The following GABRB3 variants were observed in gnomAD, a reference collection of about 807,000 sequenced individuals.
The protein encoded by GABRB3 is gamma-aminobutyric acid type A receptor subunit beta3, also known as gamma-aminobutyric acid receptor subunit beta-3.
GABRB3 carries 14 observed loss-of-function variants against 52.1 expected under a neutral mutation model. The observed-to-expected ratio is 0.27, with a 90% CI of 0.18 to 0.42. GABRB3 has a LOEUF of 0.42. Ranked by LOEUF, GABRB3 falls within the 10% of genes least tolerant of loss-of-function variation. The pLI, the probability that GABRB3 is intolerant of heterozygous loss-of-function variation, is 1.00. For missense variants in GABRB3, 307 were observed against 609.1 expected (o/e 0.50, Z 5.22); for synonymous variants, 260 against 232.3 (o/e 1.12, Z -1.08).
At chr15:26,730,217 G>A (rs115980124) in intron 3 of GABRB3, among the ~76,000 whole-genome samples, 24 of 152,262 alleles carry the variant, frequency 1.6e-4, no homozygotes, top group African/African-American at 4.1e-4. Flanking sequence ...CTGAAGCCCT[G>A]TTGCCCCTGG....
In GABRB3 at chr15:26,662,977, T is replaced by C. The variant is rs1172271397; in HGVS notation, c.241-41443A>G. Among the ~76,000 whole-genome samples, 3 of 152,214 alleles carry C rather than the reference T, an allele frequency of 2.0e-5. No individual in the cohort carries two copies. The East Asian group carries it at 5.8e-4, about 29-fold the overall frequency. Reference sequence around the variant, plus strand: ...CCCCAAGGCTGTCATCTGGCATAATTCTAGCACAATATCAAAAACTAGGAA... The same window carrying C: ...CCCCAAGGCTGTCATCTGGCATAATCCTAGCACAATATCAAAAACTAGGAA... On this transcript the variant is annotated intron_variant, in intron 3 of 8. Coordinates refer to ENST00000311550, the MANE Select transcript of GABRB3 (RefSeq NM_000814.6).
At chr15:26,672,807 T>C (rs1360537537) in intron 3 of GABRB3, among the ~76,000 whole-genome samples, 1 of 151,952 alleles carries the variant, frequency 6.6e-6, no homozygotes, top group Non-Finnish European at 1.5e-5. Flanking sequence ...CAAGGACGGA[T>C]GAAAAATATG....
chr15:26,674,332 C>T (rs1221183644), intron 3 of GABRB3, among the ~76,000 whole-genome samples: 6 of 139,360 alleles, frequency 4.3e-5, no homozygotes, highest in East Asian at 2.1e-4. Context: ...ACCCAGGAGG[C>T]GAAGGCTGCA....
intron 7 of GABRB3, 120 bp from the exon 8 acceptor site, chr15:26,561,296 G>GT: frequency 7.3e-7 from 1 of 1,374,360 alleles, no homozygotes; most frequent in Non-Finnish European, 1.0e-6. Flanking sequence ...GTTGAATACT[G>GT]TGGGGTGACT....
At chr15:26,687,119 G>A (rs1217034621) in intron 3 of GABRB3, among the ~76,000 whole-genome samples, 6 of 152,232 alleles carry the variant, frequency 3.9e-5, no homozygotes, top group Non-Finnish European at 8.8e-5. Context: ...TGGGTGTTCT[G>A]ACTCGTGTCT....
chr15:26,664,910 G>T (rs1421898398), intron 3 of GABRB3, among the ~76,000 whole-genome samples: 1 of 151,810 alleles, frequency 6.6e-6, no homozygotes, highest in Non-Finnish European at 1.5e-5. Flanking sequence ...GTGTTGGTCA[G>T]GCTGGTCTCA....
At chr15:26,743,786 T>A (rs955691403) in intron 3 of GABRB3, among the ~76,000 whole-genome samples, 1 of 152,212 alleles carries the variant, frequency 6.6e-6, no homozygotes, top group Non-Finnish European at 1.5e-5. Context: ...GTTGCATTCC[T>A]ACCAAGCAAC....
intron 3 of GABRB3, among the ~76,000 whole-genome samples, chr15:26,739,291 A>C (rs1166161601): frequency 2.6e-5 from 4 of 152,084 alleles, no homozygotes; most frequent in Non-Finnish European, 5.9e-5. Flanking sequence ...CGCTTGGCCA[A>C]GTAGACACCA....
chr15:26,752,233 A>T (rs528184358), intron 3 of GABRB3, among the ~76,000 whole-genome samples: 23 of 68,456 alleles, frequency 3.4e-4, no homozygotes, highest in South Asian at 1.0e-3. Context: ...TCTTTATTTT[A>T]TTTATTTATT....
At chr15:26,705,291 A>ATC (rs528265721) in intron 3 of GABRB3, among the ~76,000 whole-genome samples, 175 of 152,296 alleles carry the variant, frequency 1.1e-3, no homozygotes, top group African/African-American at 3.9e-3. Flanking sequence ...AAGACATCTG[A>ATC]TCTCATTCAC....
chr15:26,606,776 A>ATATCTATC (rs374800068), intron 4 of GABRB3, among the ~76,000 whole-genome samples: 37,949 of 117,856 alleles, frequency 0.32, 7,224 homozygotes, highest in Middle Eastern at 0.46. Context: ...ATCTATAGAT[A>ATATCTATC]GATAGATATA....
chr15:26,551,086 T>G (rs1227008266), intron 8 of GABRB3, among the ~76,000 whole-genome samples: 1 of 152,242 alleles, frequency 6.6e-6, no homozygotes, highest in Non-Finnish European at 1.5e-5. Flanking sequence ...TCATCATCAC[T>G]GTCATTATCA....
intron 3 of GABRB3, among the ~76,000 whole-genome samples, chr15:26,667,214 C>T (rs975632408): frequency 1.3e-5 from 2 of 152,198 alleles, no homozygotes; most frequent in Non-Finnish European, 2.9e-5. Flanking sequence ...GGCGCAGCCA[C>T]GATTCCAGCC....
chr15:26,660,428 G>A (rs1029292390), intron 3 of GABRB3, among the ~76,000 whole-genome samples: 1 of 152,042 alleles, frequency 6.6e-6, no homozygotes, highest in Admixed American at 6.6e-5. Context: ...CAATTTCCTC[G>A]TTTCTCTCCT....
chr15:26,669,775 A>G (rs183778575), intron 3 of GABRB3, among the ~76,000 whole-genome samples: 3 of 152,040 alleles, frequency 2.0e-5, no homozygotes, highest in Non-Finnish European at 2.9e-5. Context: ...TTTTCCTTCC[A>G]TCTTCTACAA....
chr15:26,732,359 G>C (rs200262415), intron 3 of GABRB3, among the ~76,000 whole-genome samples: 1 of 105,088 alleles, frequency 9.5e-6, no homozygotes, highest in Non-Finnish European at 1.8e-5. Context: ...AGTAGATAGA[G>C]AGATAAATAA....
intron 3 of GABRB3, among the ~76,000 whole-genome samples, chr15:26,743,775 A>C (rs147959693): frequency 5.1e-4 from 78 of 152,320 alleles, no homozygotes; most frequent in Middle Eastern, 6.8e-3. Context: ...ACCTTGCACC[A>C]GTTGCATTCC....
At chr15:26,572,751 G>T (rs902558516) in intron 6 of GABRB3, among the ~76,000 whole-genome samples, 10 of 152,164 alleles carry the variant, frequency 6.6e-5, no homozygotes, top group Non-Finnish European at 1.2e-4. Context: ...CAACTGAAAT[G>T]CGCTGAAGCC....
chr15:26,554,190 A>AAAATAAATAAATAAATATAT (rs1567097853), intron 8 of GABRB3, among the ~76,000 whole-genome samples: 1 of 31,532 alleles, frequency 3.2e-5, no homozygotes, highest in African/African-American at 8.5e-5. Context: ...ATATATATAT[A>AAAATAAATAAATAAATATAT]CTATATATAT....
Sources: allele counts gnomAD v4.1 joint callset (sites outside exome capture counted in the v4.1 genomes callset), GRCh38; gene constraint gnomAD v4.1.1; transcripts MANE v1.5; gene names NCBI Gene and HGNC (gene_info 2026-07-23, HGNC 2026-07-21).